Variants in SCFD2 observed in about 807,000 individuals in gnomAD.
The protein encoded by SCFD2 is sec1 family domain-containing protein 2.
SCFD2 carries 54 observed loss-of-function variants against 58.9 expected under a neutral mutation model. That is an observed-to-expected ratio of 0.92 (90% CI 0.74 to 1.15). The LOEUF (loss-of-function observed/expected upper bound fraction) is 1.15. Among genes scored for constraint, SCFD2 ranks in the 50% most tolerant of loss-of-function variants. The pLI is 0.00. For synonymous variants in SCFD2, 321 were observed against 335.9 expected (o/e 0.96, Z 0.49); for missense variants, 805 against 836.6 (o/e 0.96, Z 0.47).
chr4:53,342,751 A>G (rs1733921725), intron 2 of SCFD2, among the ~76,000 whole-genome samples: 1 of 152,188 alleles, frequency 6.6e-6, no homozygotes, highest in Admixed American at 6.6e-5. Flanking sequence ...AAATTATAAC[A>G]AACTGTCTCT....
chr4:53,011,838 A>T (rs186340573), intron 5 of SCFD2, among the ~76,000 whole-genome samples: 2 of 152,294 alleles, frequency 1.3e-5, no homozygotes, highest in African/African-American at 2.4e-5. Context: ...ATGCCTTCAT[A>T]ACATTATTAT....
intron 5 of SCFD2, among the ~76,000 whole-genome samples, chr4:52,923,402 C>T (rs1332520705): frequency 3.3e-5 from 5 of 151,778 alleles, no homozygotes; most frequent in Non-Finnish European, 7.4e-5. Flanking sequence ...TGCTTGAGCC[C>T]GGGAGTTGGA....
Position 53,236,232 on chromosome 4 carries a change from T to C in SCFD2, c.1311+37594A>G, listed in dbSNP as rs368627069. Among the ~76,000 whole-genome samples, 7 of 152,136 alleles carry C rather than the reference T, an allele frequency of 4.6e-5. No homozygotes were observed. In the East Asian group the frequency reaches 9.6e-4, roughly 21 times the overall value. Reference sequence around the variant, plus strand: ...CCTCTCAGCCTACATCTTTCTCCCATGCTGGAAGCTTCTTGCCCTCGAACA... The same window carrying C: ...CCTCTCAGCCTACATCTTTCTCCCACGCTGGAAGCTTCTTGCCCTCGAACA... On this transcript the variant is annotated intron_variant, in intron 4 of 8. Coordinates refer to ENST00000401642, the MANE Select transcript of SCFD2 (RefSeq NM_152540.4).
intron 7 of SCFD2, among the ~76,000 whole-genome samples, chr4:52,900,562 C>T (rs902988166): frequency 2.0e-5 from 3 of 152,288 alleles, no homozygotes; most frequent in East Asian, 1.9e-4. Context: ...CTGGGAGGTG[C>T]CTCCCAGTTA....
At chr4:52,979,465 T>C (rs140057374) in intron 5 of SCFD2, among the ~76,000 whole-genome samples, 1 of 152,268 alleles carries the variant, frequency 6.6e-6, no homozygotes, top group African/African-American at 2.4e-5. Context: ...TCCATTTTTA[T>C]GTACCGTATT....
chr4:52,990,918 A>G (rs11737479), intron 5 of SCFD2, among the ~76,000 whole-genome samples: 56,545 of 152,116 alleles, frequency 0.37, 11,639 homozygotes, highest in Admixed American at 0.53. Flanking sequence ...GTGGTGGTGG[A>G]GAATGTGGGA....
intron 5 of SCFD2, among the ~76,000 whole-genome samples, chr4:53,049,554 T>G (rs1723131883): frequency 6.6e-6 from 1 of 152,190 alleles, no homozygotes; most frequent in South Asian, 2.1e-4. Context: ...AGTCTGGGTT[T>G]CTGGTGCTCT....
At chr4:53,270,499 G>A (rs1046328989) in intron 4 of SCFD2, among the ~76,000 whole-genome samples, 7 of 152,196 alleles carry the variant, frequency 4.6e-5, no homozygotes, top group African/African-American at 1.7e-4. Context: ...GGCCTAGTAT[G>A]CCTGGTCAAT....
intron 4 of SCFD2, among the ~76,000 whole-genome samples, chr4:53,188,451 G>GTGTGTGTGTGTGTT (rs1553884672): frequency 7.3e-5 from 11 of 150,552 alleles, no homozygotes; most frequent in African/African-American, 2.4e-4. Flanking sequence ...GTGTGTGTGT[G>GTGTGTGTGTGTGTT]TGTGTGTGTG....
chr4:53,079,474 A>G (rs1724078475), intron 5 of SCFD2, among the ~76,000 whole-genome samples: 1 of 152,246 alleles, frequency 6.6e-6, no homozygotes, highest in Non-Finnish European at 1.5e-5. Context: ...CATGGAGTTA[A>G]GATGAAACAG....
intron 1 of SCFD2, among the ~76,000 whole-genome samples, chr4:53,361,166 C>G (rs1341785146): frequency 1.3e-5 from 2 of 152,152 alleles, no homozygotes; most frequent in African/African-American, 4.8e-5. Flanking sequence ...ACTAACAATA[C>G]AAAACTAACT....
intron 4 of SCFD2, among the ~76,000 whole-genome samples, chr4:53,210,811 A>G (rs1311695496): frequency 7.3e-5 from 11 of 151,720 alleles, no homozygotes; most frequent in African/African-American, 2.7e-4. Flanking sequence ...CAGGCTTCTG[A>G]CCTCCTGCCC....
At chr4:53,230,842 CTCTGAGGTATAA>C (rs1729415318) in intron 4 of SCFD2, among the ~76,000 whole-genome samples, 1 of 152,000 alleles carries the variant, frequency 6.6e-6, no homozygotes, top group Non-Finnish European at 1.5e-5. Context: ...TACCTCAGAT[CTCTGAGGTATAA>C]TTTTGAAATA....
chr4:53,116,670 T>C (rs1028077755), intron 5 of SCFD2, among the ~76,000 whole-genome samples: 15 of 152,226 alleles, frequency 9.9e-5, no homozygotes, highest in African/African-American at 3.4e-4. Flanking sequence ...AATCCAATTA[T>C]ACCTGAAGCT....
intron 5 of SCFD2, among the ~76,000 whole-genome samples, chr4:53,050,902 C>G (rs1276560527): frequency 2.0e-5 from 3 of 152,154 alleles, no homozygotes; most frequent in Non-Finnish European, 4.4e-5. Context: ...CATTTCCTGT[C>G]GTCTGTCAGG....
chr4:53,356,996 C>CCATATTA (rs1458934942), intron 1 of SCFD2, among the ~76,000 whole-genome samples: 1 of 152,062 alleles, frequency 6.6e-6, no homozygotes, highest in African/African-American at 2.4e-5. Context: ...TATTATTATA[C>CCATATTA]TGATATTAGT....
At chr4:53,182,735 A>T (rs1197001076) in intron 4 of SCFD2, among the ~76,000 whole-genome samples, 1 of 152,174 alleles carries the variant, frequency 6.6e-6, no homozygotes, top group South Asian at 2.1e-4. Flanking sequence ...AATGGGAGAA[A>T]ATTTTTGCAA....
At chr4:52,917,400 T>C (rs943694152) in intron 6 of SCFD2, among the ~76,000 whole-genome samples, 3 of 152,156 alleles carry the variant, frequency 2.0e-5, no homozygotes, top group Non-Finnish European at 4.4e-5. Context: ...AAATCTGTTC[T>C]GTTATCCTCT....
Position 53,134,368 on chromosome 4 carries a change from T to TA in SCFD2, c.1561+10964dup, listed in dbSNP as rs565854471. ...GTTCTTATCACAATAAAATAAAATTTAAAAAAAAAACAGTGCTTTTTAAAC... is the reference window on the plus strand; with the variant it reads ...GTTCTTATCACAATAAAATAAAATTTAAAAAAAAAAACAGTGCTTTTTAAAC... On this transcript the variant is annotated intron_variant, in intron 5 of 8. Transcript: ENST00000401642. 1.9e-3 allele frequency among the ~76,000 whole-genome samples: 289 copies of TA among 148,786 alleles called. 1 individual carries two copies. The highest frequency in any genetic ancestry group is 4.3e-3 in the African/African-American group (173 of 40,520).
Sources: allele counts gnomAD v4.1 joint callset (sites outside exome capture counted in the v4.1 genomes callset), GRCh38; gene constraint gnomAD v4.1.1; transcripts MANE v1.5; gene names NCBI Gene and HGNC (gene_info 2026-07-23, HGNC 2026-07-21).